The following TMEM108 variants were observed in gnomAD, a reference collection of about 807,000 sequenced individuals.
TMEM108 encodes cancer/testis antigen 124.
A neutral mutation model predicts 35.1 loss-of-function variants in TMEM108; 12 were observed. The observed-to-expected ratio is 0.34, with a 90% CI of 0.22 to 0.55. TMEM108 has a LOEUF of 0.55. TMEM108 is among the 20% of genes least tolerant of loss of function. The pLI is 0.89. For synonymous variants in TMEM108, 287 were observed against 308.6 expected (o/e 0.93, Z 0.73); for missense variants, 680 against 753.3 (o/e 0.90, Z 1.14).
chr3:133,313,618 G>A (rs1213111251), intron 3 of TMEM108, among the ~76,000 whole-genome samples: 1 of 152,134 alleles, frequency 6.6e-6, no homozygotes, highest in Non-Finnish European at 1.5e-5. Flanking sequence ...CTTAGTTGAT[G>A]ACATATCCTT....
At chr3:133,044,305 A>C (rs139820210) in intron 1 of TMEM108, among the ~76,000 whole-genome samples, 15 of 152,270 alleles carry the variant, frequency 9.9e-5, no homozygotes, top group African/African-American at 3.6e-4. Flanking sequence ...TTTGGAAAAT[A>C]AGGGGAGAGA....
At chr3:133,260,278 A>C (rs1946606137) in intron 3 of TMEM108, among the ~76,000 whole-genome samples, 1 of 76,516 alleles carries the variant, frequency 1.3e-5, no homozygotes, top group African/African-American at 4.7e-5. Flanking sequence ...TAGGGAATCT[A>C]GACAATAGTA....
chr3:133,333,071 G>A (rs1177085807), intron 3 of TMEM108, among the ~76,000 whole-genome samples: 2 of 152,160 alleles, frequency 1.3e-5, no homozygotes, highest in Non-Finnish European at 2.9e-5. Context: ...GTAGGGTGAA[G>A]GTCTCTTTGT....
At chr3:133,282,082 G>A (rs1006900082) in intron 3 of TMEM108, among the ~76,000 whole-genome samples, 2 of 151,678 alleles carry the variant, frequency 1.3e-5, no homozygotes, top group Admixed American at 6.6e-5. Context: ...GTGTGAACCT[G>A]GGAGGCGGAG....
intron 2 of TMEM108, among the ~76,000 whole-genome samples, chr3:133,180,596 A>G (rs375006865): frequency 6.6e-6 from 1 of 152,158 alleles, no homozygotes; most frequent in South Asian, 2.1e-4. Flanking sequence ...ACTAATTCCT[A>G]ATATTTAATA....
chr3:133,046,624 A>T (rs994350466), intron 2 of TMEM108, among the ~76,000 whole-genome samples: 2 of 152,186 alleles, frequency 1.3e-5, no homozygotes, highest in African/African-American at 2.4e-5. Flanking sequence ...AGTACAATGC[A>T]TGTGGGCACT....
At chr3:133,202,548 G>T (rs1005040517) in intron 2 of TMEM108, among the ~76,000 whole-genome samples, 1 of 152,106 alleles carries the variant, frequency 6.6e-6, no homozygotes, top group Non-Finnish European at 1.5e-5. Flanking sequence ...ATTAAATAGG[G>T]AATTCTTTCC....
chr3:133,344,960 T>G (rs1407209332), intron 3 of TMEM108, among the ~76,000 whole-genome samples: 1 of 151,920 alleles, frequency 6.6e-6, no homozygotes, highest in African/African-American at 2.4e-5. Flanking sequence ...AAAAAGAAGT[T>G]TTTTACTATT....
chr3:133,122,849 C>T (rs1254659339), intron 2 of TMEM108, among the ~76,000 whole-genome samples: 3 of 127,164 alleles, frequency 2.4e-5, no homozygotes, highest in African/African-American at 5.8e-5. Flanking sequence ...GGCAACAGAG[C>T]GAGACTCCAT....
chr3:133,378,000 C>T (rs569912739), intron 3 of TMEM108, among the ~76,000 whole-genome samples: 2 of 152,210 alleles, frequency 1.3e-5, no homozygotes, highest in Non-Finnish European at 2.9e-5. Context: ...CCATACCCCC[C>T]CCGACCAACT....
intron 3 of TMEM108, among the ~76,000 whole-genome samples, chr3:133,274,963 C>A (rs1259406746): frequency 6.6e-6 from 1 of 152,174 alleles, no homozygotes; most frequent in Non-Finnish European, 1.5e-5. Flanking sequence ...TATCTCAAAA[C>A]CATTGGTTCC....
intron 2 of TMEM108, among the ~76,000 whole-genome samples, chr3:133,203,388 G>A (rs2107829959): frequency 6.6e-6 from 1 of 152,314 alleles, no homozygotes; most frequent in South Asian, 2.1e-4. Context: ...CAAAAGGAAT[G>A]CTTCCAGCTT....
At chr3:133,339,117 A>G (rs918316397) in intron 3 of TMEM108, among the ~76,000 whole-genome samples, 5 of 151,932 alleles carry the variant, frequency 3.3e-5, no homozygotes, top group African/African-American at 9.7e-5. Context: ...TATCAATAAT[A>G]ACATTGAATG....
intron 2 of TMEM108, among the ~76,000 whole-genome samples, chr3:133,183,414 T>C (rs1559860569): frequency 6.6e-6 from 1 of 152,120 alleles, no homozygotes. Flanking sequence ...GGTATATTTA[T>C]CTTCTCCTTA....
chr3:133,228,690 G>A (rs78438493), intron 2 of TMEM108, among the ~76,000 whole-genome samples: 1,883 of 152,212 alleles, frequency 0.012, 15 homozygotes, highest in South Asian at 0.024. Flanking sequence ...ACTCTAAAAT[G>A]TGAGCAGTAA....
At chr3:133,259,119 T>C (rs938412062) in intron 3 of TMEM108, among the ~76,000 whole-genome samples, 6 of 152,244 alleles carry the variant, frequency 3.9e-5, no homozygotes, top group Non-Finnish European at 8.8e-5. Flanking sequence ...TTACCACCAC[T>C]AAGTCAGAAG....
intron 2 of TMEM108, among the ~76,000 whole-genome samples, chr3:133,129,359 CA>C (rs34821480): frequency 0.31 from 38,068 of 121,904 alleles, 5,128 homozygotes; most frequent in African/African-American, 0.39. Flanking sequence ...CCCCCCCCCC[CA>C]AAAAAAAATA....
At chr3:133,107,351 C>T (rs1406053892) in intron 2 of TMEM108, among the ~76,000 whole-genome samples, 2 of 151,928 alleles carry the variant, frequency 1.3e-5, no homozygotes, top group African/African-American at 4.8e-5. Context: ...GATTTTTCTA[C>T]TTCTAGCATT....
chr3:133,086,329 G>A (rs1192213173), intron 2 of TMEM108, among the ~76,000 whole-genome samples: 2 of 151,888 alleles, frequency 1.3e-5, no homozygotes, highest in Non-Finnish European at 2.9e-5. Context: ...CATCTGTAAA[G>A]TGAAGCAAAA....
Sources: allele counts gnomAD v4.1 joint callset (sites outside exome capture counted in the v4.1 genomes callset), GRCh38; gene constraint gnomAD v4.1.1; transcripts MANE v1.5; gene names NCBI Gene and HGNC (gene_info 2026-07-23, HGNC 2026-07-21).